Variants in MATN2 observed in about 807,000 individuals in gnomAD.
MATN2 encodes matrilin-2.
MATN2 carries 69 observed loss-of-function variants against 103.2 expected under a neutral mutation model. The ratio of observed to expected loss-of-function variants is 0.67; its 90% confidence interval spans 0.55 to 0.82. The LOEUF is 0.82. Ranked by LOEUF, MATN2 falls within the 40% of genes least tolerant of loss-of-function variation. The probability of loss-of-function intolerance (pLI) is 0.00; values close to 1 mark genes in which losing one functional copy is unlikely to be tolerated. For missense variants in MATN2, 1,023 were observed against 1,211.5 expected, an observed-to-expected ratio of 0.84 and a Z score of 2.31; for synonymous variants, 429 against 450.2, an observed-to-expected ratio of 0.95 and a Z score of 0.60.
intron 2 of MATN2, among the ~76,000 whole-genome samples, chr8:97,893,766 A>G (rs1484625526): frequency 1.4e-4 from 22 of 152,000 alleles, no homozygotes. Flanking sequence ...TAGTAGAGAC[A>G]GGGTTTCACC....
intron 2 of MATN2, among the ~76,000 whole-genome samples, chr8:97,926,067 T>C (rs1251457351): frequency 1.3e-5 from 2 of 152,194 alleles, no homozygotes; most frequent in African/African-American, 4.8e-5. Context: ...TCAGTTCCCT[T>C]TCTCTGGAAG....
intron 12 of MATN2, 164 bp from the exon 13 acceptor site, chr8:98,021,041 T>C (rs372095162): frequency 1.4e-4 from 81 of 581,442 alleles, no homozygotes; most frequent in African/African-American, 1.1e-3. Flanking sequence ...AGGAGCTTTT[T>C]CCCCATCCTG....
rs1001980688 is a variant in MATN2, at chr8:97,931,973, GA to G, written c.712+452del. Among the ~76,000 whole-genome samples, 3 of 152,164 alleles carry G rather than the reference GA, an allele frequency of 2.0e-5. No individual in the cohort carries two copies. Among genetic ancestry groups the G allele is most frequent in the Middle Eastern group, 3.2e-3 (1 of 316 alleles). On this transcript the variant is annotated intron_variant, in intron 3 of 18. Transcript: ENST00000254898. This position sits in a 1 kb window ranked among gnomAD's most constrained non-coding sequence, Gnocchi z 4.1. The stretch of plus-strand genomic sequence containing the variant: ...CTGCCTCAACCTCCCAAAGTGCTGG[GA>G]TTATAGGCATGAGCACCCAGCTAAG...
At chr8:97,892,558 T>C (rs1489591003) in intron 2 of MATN2, among the ~76,000 whole-genome samples, 1 of 152,206 alleles carries the variant, frequency 6.6e-6, no homozygotes, top group Non-Finnish European at 1.5e-5. Flanking sequence ...TTAGATTATA[T>C]GAAAATGCAT....
At chr8:97,903,400 C>T (rs1407023903) in intron 2 of MATN2, among the ~76,000 whole-genome samples, 2 of 152,206 alleles carry the variant, frequency 1.3e-5, no homozygotes, top group African/African-American at 4.8e-5. Context: ...CTCTTCCTCA[C>T]AGACATTGGA....
At position 98,016,632 on chromosome 8, in the gene MATN2, A is replaced by G. The variant is rs774591483; in HGVS notation, c.1666A>G (p.Ile556Val). The stretch of plus-strand genomic sequence containing the variant: ...TGTGTGCCAGTGCTTTGAAGGTTAT[A>G]TACTCCGTGAAGATGGAAAAACCTG... ...SFVCQCFEGY[I>V]LREDGKTCRR... The change falls in exon 11 of 19, where the codon ATA becomes GTA. Residue 556 changes from isoleucine (I) to valine (V), a missense_variant. Coordinates refer to ENST00000254898, the MANE Select transcript of MATN2 (RefSeq NM_002380.5). 1 of 1,612,190 alleles carries G rather than the reference A, an allele frequency of 6.2e-7. No individual in the cohort carries two copies. Among genetic ancestry groups the G allele is most frequent in the Admixed American group, 1.7e-5 (1 of 59,824 alleles).
intron 2 of MATN2, among the ~76,000 whole-genome samples, chr8:97,921,739 G>C (rs1809813845): frequency 6.6e-6 from 1 of 152,196 alleles, no homozygotes; most frequent in Non-Finnish European, 1.5e-5. Context: ...CACAGTGGTG[G>C]GTGGGATCCC....
At position 97,888,116 on chromosome 8, in the gene MATN2, G is replaced by A. The variant is rs780741252; in HGVS notation, c.16G>A (p.Ala6Thr). 2.5e-6 allele frequency: 4 copies of A among 1,607,066 alleles called. No individual in the cohort carries two copies. The highest frequency in any genetic ancestry group is 1.7e-4 in the Middle Eastern group (1 of 6,060). Residue 6 changes from alanine to threonine, a missense_variant, in exon 2 of 19, where the codon GCA becomes ACA. Ala to Thr is a moderately conservative substitution (Grantham distance 58, BLOSUM62 0). Coordinates refer to ENST00000254898, the MANE Select transcript of MATN2 (RefSeq NM_002380.5). ...CGCCTTGAAAATGGAAAAGATGCTC[G>A]CAGGCTGCTTTCTGCTGATCCTCGG... MEKMLAGCFLLILGQI... is the reference protein window; with the variant it reads MEKMLTGCFLLILGQI...
chr8:97,988,152 C>CAAAAAAAAA (rs869146483), intron 6 of MATN2, among the ~76,000 whole-genome samples: 3 of 65,866 alleles, frequency 4.6e-5, no homozygotes, highest in African/African-American at 1.6e-4. Context: ...CCATCTCCAC[C>CAAAAAAAAA]AAAAAAAAAA....
intron 5 of MATN2, among the ~76,000 whole-genome samples, chr8:97,966,583 T>C (rs1477900910): frequency 6.7e-6 from 1 of 148,964 alleles, no homozygotes. Flanking sequence ...AAAAAAAATG[T>C]TGGGGTGATA....
chr8:97,896,809 G>C (rs1353027616), intron 2 of MATN2, among the ~76,000 whole-genome samples: 2 of 151,508 alleles, frequency 1.3e-5, no homozygotes, highest in Non-Finnish European at 2.9e-5. Context: ...TGGACAGTGG[G>C]ATCAGGCAAC....
chr8:97,935,651 T>A (rs1563677895), intron 3 of MATN2, among the ~76,000 whole-genome samples: 2 of 152,094 alleles, frequency 1.3e-5, no homozygotes, highest in South Asian at 2.1e-4. Context: ...CATGACTGAA[T>A]AATTTTTACT....
rs150196616 is a variant in MATN2, at chr8:97,958,427, C to G, written c.836-2981C>G. 3.8e-3 allele frequency among the ~76,000 whole-genome samples: 581 copies of G among 152,296 alleles called. 1 individual carries two copies. The highest frequency in any genetic ancestry group is 6.0e-3 in the Non-Finnish European group (405 of 68,016). On this transcript the variant is annotated intron_variant, in intron 4 of 18. Coordinates refer to ENST00000254898, the MANE Select transcript of MATN2 (RefSeq NM_002380.5). ...CCCACCCACTTAGGGAGCTTAGAGT[C>G]TAGTAAGAGAGACACAGTACATCCA...
In MATN2 at chr8:97,898,855, C is replaced by T. The variant is rs561698847; in HGVS notation, c.142+10613C>T. Among the ~76,000 whole-genome samples, 11 of 152,184 alleles carry T rather than the reference C, an allele frequency of 7.2e-5. No individual in the cohort carries two copies. In the East Asian group the frequency reaches 7.7e-4, roughly 11 times the overall value. On this transcript the variant is annotated intron_variant, in intron 2 of 18. Coordinates refer to ENST00000254898, the MANE Select transcript of MATN2 (RefSeq NM_002380.5). ...GCCTCGACCTCCAGGCCCAGGTGATCCTCCTATCTCAACCTCCCAAGTAGC... is the reference window on the plus strand; with the variant it reads ...GCCTCGACCTCCAGGCCCAGGTGATTCTCCTATCTCAACCTCCCAAGTAGC...
Position 98,024,012 on chromosome 8 carries a change from G to T in MATN2, c.1942+2685G>T, listed in dbSNP as rs909642009. On this transcript the variant is annotated intron_variant, in intron 13 of 18. Coordinates refer to ENST00000254898, the MANE Select transcript of MATN2 (RefSeq NM_002380.5). The stretch of plus-strand genomic sequence containing the variant: ...CAATGAGAACACATGGACACAGGGA[G>T]GGGAACAACACACACCGGGGCCTGT... Among the ~76,000 whole-genome samples the T allele has an allele frequency of 7.9e-5, 12 of 152,286 alleles. No homozygotes were observed. In the South Asian group the frequency reaches 2.1e-3, roughly 26 times the overall value.
chr8:97,930,567 G>A (rs1352563982), intron 2 of MATN2: 1 of 165,892 alleles, frequency 6.0e-6, no homozygotes, highest in Admixed American at 5.6e-5. Flanking sequence ...TCAGTCCCAG[G>A]ATTTCCAACA....
At chr8:98,012,971 C>T (rs1200994327) in intron 10 of MATN2, among the ~76,000 whole-genome samples, 5 of 152,208 alleles carry the variant, frequency 3.3e-5, no homozygotes, top group Non-Finnish European at 7.3e-5. Flanking sequence ...CAGATAAGTG[C>T]TCCGTAAACA....
chr8:97,886,764 C>T (rs544970382), intron 1 of MATN2, among the ~76,000 whole-genome samples: 16 of 152,074 alleles, frequency 1.1e-4, no homozygotes, highest in Non-Finnish European at 2.4e-4. Context: ...CCCTGCCCCA[C>T]CCCTGCCCTG....
chr8:98,028,687 C>T (rs1012639991), intron 14 of MATN2, among the ~76,000 whole-genome samples: 5 of 152,146 alleles, frequency 3.3e-5, no homozygotes, highest in Admixed American at 2.0e-4. Context: ...CCCAGGTTCA[C>T]GCTATTCTCC....
Sources: gnomAD v4.1 joint callset for allele counts (sites outside exome capture counted in the v4.1 genomes callset) on GRCh38, gnomAD v4.1.1 for gene constraint, Gnocchi (gnomAD v3.1) non-coding constraint, MANE v1.5 for transcripts, NCBI Gene and HGNC (gene_info 2026-07-23, HGNC 2026-07-21) for gene names.